CDKAL1: variants seen among roughly 807,000 people sequenced by gnomAD.
The protein encoded by CDKAL1 is CDKAL1 threonylcarbamoyladenosine tRNA methylthiotransferase.
In CDKAL1, 32 loss-of-function variants were observed where a neutral mutation model predicts 68.2. The ratio of observed to expected loss-of-function variants is 0.47; its 90% CI spans 0.35 to 0.63. CDKAL1 has a LOEUF of 0.63. Among genes scored for constraint, CDKAL1 ranks in the 30% least tolerant of loss-of-function variants. The probability of loss-of-function intolerance (pLI) is 0.00; values close to 1 mark genes in which losing one functional copy is unlikely to be tolerated. For missense variants in CDKAL1, 606 were observed against 696.7 expected (o/e 0.87, Z 1.47); for synonymous variants, 234 against 244.3 (o/e 0.96, Z 0.39).
chr6:21,207,704 C>G (rs1321095916), intron 15 of CDKAL1, among the ~76,000 whole-genome samples: 1 of 152,174 alleles, frequency 6.6e-6, no homozygotes, highest in Non-Finnish European at 1.5e-5. Context: ...AGTGATAGTA[C>G]TACCTGCTTC....
chr6:20,906,265 C>T (rs1035571891), intron 9 of CDKAL1, among the ~76,000 whole-genome samples: 8 of 150,792 alleles, frequency 5.3e-5, no homozygotes, highest in East Asian at 3.9e-4. Flanking sequence ...TTTTCGGACA[C>T]ACAACATATA....
At chr6:21,038,271 C>G (rs1256503821) in intron 11 of CDKAL1, among the ~76,000 whole-genome samples, 6 of 152,138 alleles carry the variant, frequency 3.9e-5, no homozygotes, top group East Asian at 1.9e-4. Flanking sequence ...GAAAAATATT[C>G]TGTGTGTGGA....
intron 5 of CDKAL1, among the ~76,000 whole-genome samples, chr6:20,738,549 C>T (rs1455070474): frequency 4.2e-5 from 6 of 141,514 alleles, no homozygotes; most frequent in South Asian, 2.3e-4. Flanking sequence ...AATACAGTGG[C>T]GCCATCATCA....
chr6:20,633,126 A>G (rs896907988), intron 4 of CDKAL1, among the ~76,000 whole-genome samples: 2 of 152,214 alleles, frequency 1.3e-5, no homozygotes, highest in Non-Finnish European at 2.9e-5. Flanking sequence ...CAGTTTTCAT[A>G]GAGTCAATTT....
At chr6:20,623,658 G>A (rs1767294340) in intron 4 of CDKAL1, among the ~76,000 whole-genome samples, 2 of 152,004 alleles carry the variant, frequency 1.3e-5, no homozygotes, top group Non-Finnish European at 2.9e-5. Flanking sequence ...TATTTAATAG[G>A]GGAATATTTG....
chr6:20,953,324 A>G (rs1008900592), intron 9 of CDKAL1, among the ~76,000 whole-genome samples: 1 of 152,124 alleles, frequency 6.6e-6, no homozygotes, highest in African/African-American at 2.4e-5. Context: ...TTCTATATTC[A>G]TCTAGCAACA....
intron 9 of CDKAL1, among the ~76,000 whole-genome samples, chr6:20,896,249 G>A (rs911664559): frequency 7.9e-5 from 12 of 151,746 alleles, no homozygotes; most frequent in South Asian, 6.3e-4. Flanking sequence ...TACAGGCTCC[G>A]CCACCACACC....
rs200410737 is a variant in CDKAL1 at position 20,980,234 on chromosome 6, T to G, written c.910-19993T>G. 4.9e-5 allele frequency among the ~76,000 whole-genome samples: 6 copies of G among 122,312 alleles called. No individual in the cohort carries two copies. The East Asian group carries it at 6.9e-4, about 14-fold the overall frequency. The allele number at this position is 122,312 out of a possible 152,430, so 80.2% of individuals were successfully genotyped here. A position where few individuals can be genotyped will look rare whatever the true frequency, so the allele number is the denominator to read the frequency against. On this transcript the variant is annotated intron_variant, in intron 10 of 15. Transcript: ENST00000274695. ...ATATAGATATAGATATAGATATAGA[T>G]ATATAGATATAGATTTTTTTTGAGA...
At chr6:20,843,510 G>A (rs1778256954) in intron 8 of CDKAL1, among the ~76,000 whole-genome samples, 1 of 151,688 alleles carries the variant, frequency 6.6e-6, no homozygotes, top group Non-Finnish European at 1.5e-5. Context: ...TAGATATCCT[G>A]GGGATGAGAT....
chr6:20,912,639 T>C (rs933875358), intron 9 of CDKAL1, among the ~76,000 whole-genome samples: 2 of 151,616 alleles, frequency 1.3e-5, no homozygotes, highest in Admixed American at 6.6e-5. Flanking sequence ...TCAACCTTAC[T>C]AGACATATTT....
At chr6:20,571,520 G>A (rs1288813759) in intron 4 of CDKAL1, among the ~76,000 whole-genome samples, 2 of 152,012 alleles carry the variant, frequency 1.3e-5, no homozygotes, top group African/African-American at 4.8e-5. Flanking sequence ...TGGGGACTCT[G>A]TCTGCTTTTA....
intron 5 of CDKAL1, among the ~76,000 whole-genome samples, chr6:20,664,467 AAAGTTT>A (rs1769434720): frequency 6.6e-6 from 1 of 152,170 alleles, no homozygotes; most frequent in Non-Finnish European, 1.5e-5. Flanking sequence ...GCAAAACTAA[AAAGTTT>A]AATTTGGTGC....
chr6:20,897,839 A>C (rs1455330718), intron 9 of CDKAL1, among the ~76,000 whole-genome samples: 2 of 152,134 alleles, frequency 1.3e-5, no homozygotes, highest in Admixed American at 1.3e-4. Flanking sequence ...TCTTTTCCTA[A>C]GTATAAAATA....
In CDKAL1 at chr6:20,717,797, T is replaced by G. The variant is rs554725272; in HGVS notation, c.372-21722T>G. 5.3e-5 allele frequency among the ~76,000 whole-genome samples: 8 copies of G among 152,244 alleles called. No homozygotes were observed. The East Asian group carries it at 1.5e-3, about 29-fold the overall frequency. Reference sequence around the variant, plus strand: ...GCATAAGTCAGGAGCCCTCACCACCTTTTTTGTATATGGGGAATTTGAAAT... The same window carrying G: ...GCATAAGTCAGGAGCCCTCACCACCGTTTTTGTATATGGGGAATTTGAAAT... On this transcript the variant is annotated intron_variant, in intron 5 of 15. Coordinates refer to ENST00000274695, the MANE Select transcript of CDKAL1 (RefSeq NM_017774.3).
At chr6:20,677,435 T>G (rs537602201) in intron 5 of CDKAL1, among the ~76,000 whole-genome samples, 2 of 151,098 alleles carry the variant, frequency 1.3e-5, no homozygotes, top group Non-Finnish European at 3.0e-5. Context: ...TTATTTTTTT[T>G]TAGATGGAGT....
intron 11 of CDKAL1, among the ~76,000 whole-genome samples, chr6:21,005,186 A>T (rs551004446): frequency 1.3e-5 from 2 of 152,268 alleles, no homozygotes; most frequent in Non-Finnish European, 2.9e-5. Flanking sequence ...TGATATAATT[A>T]GGGTTCCCAG....
intron 8 of CDKAL1, among the ~76,000 whole-genome samples, chr6:20,807,542 G>T (rs933511327): frequency 2.0e-5 from 3 of 152,168 alleles, no homozygotes; most frequent in Non-Finnish European, 2.9e-5. Context: ...TGAATGAAAA[G>T]AACTGCCCTT....
intron 13 of CDKAL1, among the ~76,000 whole-genome samples, chr6:21,114,000 G>C (rs1198797232): frequency 6.6e-6 from 1 of 151,596 alleles, no homozygotes; most frequent in Non-Finnish European, 1.5e-5. Context: ...TGTAATCCCA[G>C]CACTTTGAGA....
chr6:20,581,458 C>G (rs2127689450), intron 4 of CDKAL1, among the ~76,000 whole-genome samples: 1 of 152,160 alleles, frequency 6.6e-6, no homozygotes. Context: ...ATGTTTGGGG[C>G]AAACTAAATA....
Sources: allele counts gnomAD v4.1 joint callset (sites outside exome capture counted in the v4.1 genomes callset), GRCh38; gene constraint gnomAD v4.1.1; transcripts MANE v1.5; gene names NCBI Gene and HGNC (gene_info 2026-07-23, HGNC 2026-07-21).